The following SORL1 variants were observed in gnomAD, a reference collection of about 807,000 sequenced individuals.
SORL1 encodes the protein sortilin related receptor 1, also known as sortilin-related receptor.
Under a neutral mutation model 273.7 loss-of-function variants are expected in SORL1, and 127 were observed. That is an observed-to-expected ratio of 0.46 (90% CI 0.40 to 0.54). The LOEUF (loss-of-function observed/expected upper bound fraction) is 0.54, where lower values mean the gene tolerates loss of function less well. Ranked by LOEUF, SORL1 falls within the 20% of genes least tolerant of loss-of-function variation. SORL1 has a pLI of 0.00. For missense variants in SORL1, 2,494 were observed against 2,846.1 expected (o/e 0.88, Z 2.81); for synonymous variants, 1,031 against 1,067.4 (o/e 0.97, Z 0.66).
intron 19 of SORL1, among the ~76,000 whole-genome samples, chr11:121,557,790 G>A (rs1441618948): frequency 6.6e-6 from 1 of 152,134 alleles, no homozygotes; most frequent in African/African-American, 2.4e-5. Flanking sequence ...GCATGTGTAG[G>A]TTTTCTTACG....
chr11:121,537,704 T>C (rs1277242718), intron 12 of SORL1, among the ~76,000 whole-genome samples: 3 of 152,252 alleles, frequency 2.0e-5, no homozygotes, highest in African/African-American at 7.2e-5. Flanking sequence ...ATTTGCCATA[T>C]CAAAAGGTGC....
chr11:121,463,594 A>G lies in SORL1; in HGVS notation c.286-6413A>G, dbSNP rs557652588. ...TCATGGCTCCAGTGAAGGAGATAGT[A>G]GTGAATGCTAAGTTCTAGTCCAAGG... On this transcript the variant is annotated intron_variant, in intron 1 of 47. Coordinates refer to ENST00000260197, the MANE Select transcript of SORL1 (RefSeq NM_003105.6). 4.1e-4 allele frequency among the ~76,000 whole-genome samples: 62 copies of G among 152,346 alleles called. 1 individual carries two copies. Among genetic ancestry groups the G allele is most frequent in the African/African-American group, 1.4e-3 (60 of 41,584 alleles).
chr11:121,627,860 T>C lies in SORL1; in HGVS notation c.6577+93T>C. 1 of 838,470 alleles carries C rather than the reference T, an allele frequency of 1.2e-6. No homozygotes were observed. The highest frequency in any genetic ancestry group is 1.9e-6 in the Non-Finnish European group (1 of 539,074). The allele number at this position is 838,470 out of a possible 1,614,324, so 51.9% of individuals were successfully genotyped here. ...AGGAAACACCCACCTTCAGCTCCTC[T>C]TTTGACCCTGGAGGAGCTCTTCATC... On this transcript the variant is annotated intron_variant, in intron 47 of 47. Transcript: ENST00000260197. This position sits in a 1 kb window ranked among gnomAD's most constrained non-coding sequence, Gnocchi z 4.9.
At chr11:121,524,944 T>C (rs1458854833) in intron 11 of SORL1, among the ~76,000 whole-genome samples, 2 of 152,196 alleles carry the variant, frequency 1.3e-5, no homozygotes, top group Non-Finnish European at 2.9e-5. Context: ...TTTTTATTTC[T>C]TTTATTTTTA....
At chr11:121,467,701 A>G (rs1861104687) in intron 1 of SORL1, among the ~76,000 whole-genome samples, 1 of 152,186 alleles carries the variant, frequency 6.6e-6, no homozygotes, top group Non-Finnish European at 1.5e-5. Flanking sequence ...AGATGGATCC[A>G]GGGGATTGGG....
intron 1 of SORL1, among the ~76,000 whole-genome samples, chr11:121,459,502 G>T (rs970727131): frequency 4.6e-5 from 7 of 152,204 alleles, no homozygotes; most frequent in African/African-American, 1.7e-4. Context: ...GACCGTGGAG[G>T]GCCAAGTGGG....
intron 9 of SORL1, among the ~76,000 whole-genome samples, chr11:121,522,008 G>A (rs975647941): frequency 9.9e-5 from 15 of 152,176 alleles, no homozygotes; most frequent in Admixed American, 6.5e-5. Flanking sequence ...AGACTGAATC[G>A]CTTGAAGCCT....
intron 1 of SORL1, among the ~76,000 whole-genome samples, chr11:121,465,961 TG>T (rs899034051): frequency 1.3e-5 from 2 of 152,056 alleles, no homozygotes; most frequent in Non-Finnish European, 1.5e-5. Context: ...AGGTGATCTT[TG>T]GGGGGTGGGG....
intron 11 of SORL1, among the ~76,000 whole-genome samples, chr11:121,526,592 T>C (rs1004078040): frequency 6.6e-6 from 1 of 152,194 alleles, no homozygotes; most frequent in African/African-American, 2.4e-5. Context: ...GATCCATGAA[T>C]GTAGTATCTT....
chr11:121,505,765 T>G (rs979960374), intron 6 of SORL1, among the ~76,000 whole-genome samples: 1 of 152,202 alleles, frequency 6.6e-6, no homozygotes, highest in East Asian at 1.9e-4. Context: ...CTTTTTGGTT[T>G]CTCATTTTAT....
intron 37 of SORL1, 86 bp downstream of exon 37, chr11:121,607,376 C>T: frequency 1.4e-6 from 1 of 723,636 alleles, no homozygotes; most frequent in East Asian, 2.6e-5. Context: ...CTCTACTCAC[C>T]TTTGTGAGAT....
intron 5 of SORL1, among the ~76,000 whole-genome samples, chr11:121,493,683 A>G (rs1204512576): frequency 1.3e-5 from 2 of 152,034 alleles, no homozygotes; most frequent in African/African-American, 4.8e-5. Context: ...TTATATTTCT[A>G]TCTCCTAGTT....
intron 9 of SORL1, 74 bp from the exon 10 acceptor site, chr11:121,522,512 C>A: frequency 1.7e-6 from 2 of 1,158,954 alleles, no homozygotes; most frequent in South Asian, 1.2e-5. Flanking sequence ...TCCCCTCACA[C>A]AGGCCGCAGG....
At chr11:121,525,977 G>C (rs1204726312) in intron 11 of SORL1, among the ~76,000 whole-genome samples, 2 of 152,310 alleles carry the variant, frequency 1.3e-5, no homozygotes, top group African/African-American at 2.4e-5. Flanking sequence ...GTAGTGAGCT[G>C]TGATTGTGCT....
chr11:121,491,975 C>T (rs1221336619), intron 5 of SORL1, among the ~76,000 whole-genome samples: 1 of 152,220 alleles, frequency 6.6e-6, no homozygotes, highest in Non-Finnish European at 1.5e-5. Flanking sequence ...GATATACTTA[C>T]TGCTTACTCC....
intron 5 of SORL1, among the ~76,000 whole-genome samples, chr11:121,490,470 T>G (rs1861536027): frequency 6.6e-6 from 1 of 152,164 alleles, no homozygotes; most frequent in South Asian, 2.1e-4. Flanking sequence ...CTGGGTGCAG[T>G]GGCTCACGCC....
At chr11:121,547,102 T>C (rs1419519816) in intron 14 of SORL1, 2 of 152,190 alleles carry the variant, frequency 1.3e-5, no homozygotes, top group Non-Finnish European at 2.9e-5. Context: ...AGTTCCATGC[T>C]GTTTGCCTTC....
chr11:121,500,621 C>T (rs757746241), intron 6 of SORL1, among the ~76,000 whole-genome samples: 3 of 152,156 alleles, frequency 2.0e-5, no homozygotes, highest in Non-Finnish European at 2.9e-5. Context: ...ATTATCTGGA[C>T]CTTTACAGAT....
At chr11:121,586,037 G>A (rs143882712) in intron 26 of SORL1, among the ~76,000 whole-genome samples, 185 bp from the exon 27 acceptor site, 7 of 152,278 alleles carry the variant, frequency 4.6e-5, no homozygotes, top group African/African-American at 1.7e-4. Flanking sequence ...CAGTTGTGAA[G>A]TAGAATACAT....
Sources: allele counts gnomAD v4.1 joint callset (sites outside exome capture counted in the v4.1 genomes callset), GRCh38; gene constraint gnomAD v4.1.1; non-coding constraint Gnocchi (gnomAD v3.1); transcripts MANE v1.5; gene names NCBI Gene and HGNC (gene_info 2026-07-23, HGNC 2026-07-21).